Variants in RPGRIP1L observed in about 807,000 individuals in gnomAD.
RPGRIP1L encodes protein fantom.
RPGRIP1L carries 131 observed loss-of-function variants against 160.4 expected under a neutral mutation model. The ratio of observed to expected loss-of-function variants is 0.82; its 90% CI spans 0.71 to 0.94. The LOEUF (loss-of-function observed/expected upper bound fraction) is 0.94. RPGRIP1L is among the 40% of genes least tolerant of loss of function. The probability of loss-of-function intolerance (pLI) is 0.00; values close to 1 mark genes in which losing one functional copy is unlikely to be tolerated. For missense variants in RPGRIP1L, 1,522 were observed against 1,535.8 expected (o/e 0.99, Z 0.15); for synonymous variants, 510 against 515.8 (o/e 0.99, Z 0.15).
At chr16:53,629,953 A>G (rs1256952463) in intron 22 of RPGRIP1L, among the ~76,000 whole-genome samples, 1 of 152,142 alleles carries the variant, frequency 6.6e-6, no homozygotes, top group Non-Finnish European at 1.5e-5. Context: ...TCAGATGTAC[A>G]TTTTCCCAAA....
At chr16:53,658,334 AG>A in intron 12 of RPGRIP1L, 79 bp downstream of exon 12, 2 of 993,174 alleles carry the variant, frequency 2.0e-6, no homozygotes, top group Non-Finnish European at 3.3e-6. Context: ...TCCAAATGTA[AG>A]GGTTACAGAT....
intron 26 of RPGRIP1L, 185 bp downstream of exon 26, chr16:53,605,296 G>A (rs77008584): frequency 1.1e-5 from 7 of 646,536 alleles, no homozygotes; most frequent in South Asian, 1.1e-4. Context: ...AGGAAAGCAG[G>A]GGGGAGGACA....
Position 53,622,213 on chromosome 16 carries a change from A to C in RPGRIP1L, c.3432+6T>G, listed in dbSNP as rs543688285. 7 of 661,266 alleles carry C rather than the reference A, an allele frequency of 1.1e-5. No individual in the cohort carries two copies. The highest frequency in any genetic ancestry group is 9.1e-5 in the African/African-American group (5 of 54,738). The allele number at this position is 661,266 out of a possible 1,614,324, so 41.0% of individuals were successfully genotyped here. A position where few individuals can be genotyped will look rare whatever the true frequency, so the allele number is the denominator to read the frequency against. On this transcript the variant is annotated splice_donor_region_variant and intron_variant, in intron 23 of 26. Coordinates refer to ENST00000647211, the MANE Select transcript of RPGRIP1L (RefSeq NM_015272.5). ...CCCCGTCTCTGCTAAAATTACAAAA[A>C]ATTACCTGGGTGTGGTGGCAGGCAC...
intron 2 of RPGRIP1L, among the ~76,000 whole-genome samples, chr16:53,698,328 GC>G (rs773047748): frequency 0.073 from 10,132 of 138,604 alleles, 620 homozygotes; most frequent in African/African-American, 0.17. Flanking sequence ...GGGGGGGTCA[GC>G]CCCCCGCCCG....
chr16:53,604,513 T>C (rs150721162), intron 26 of RPGRIP1L, among the ~76,000 whole-genome samples: 8 of 152,340 alleles, frequency 5.3e-5, no homozygotes, highest in African/African-American at 7.2e-5. Flanking sequence ...TTTAAAAGTC[T>C]GATTAATAAA....
At chr16:53,657,031 C>CA (rs1218000546) in intron 13 of RPGRIP1L, among the ~76,000 whole-genome samples, 4 of 152,200 alleles carry the variant, frequency 2.6e-5, no homozygotes, top group African/African-American at 9.6e-5. Flanking sequence ...CACTTGAGGT[C>CA]AGAGTTAGAG....
chr16:53,685,259 A>T lies in RPGRIP1L; in HGVS notation c.776+1174T>A, dbSNP rs554476994. ...GGAACACTTTTACACTGTTGGTGGG[A>T]GTGTAATTTGGTTCAACCATTGTGT... is the stretch of plus-strand genomic sequence containing the variant. On this transcript the variant is annotated intron_variant, in intron 6 of 26. Transcript: ENST00000647211. 9.8e-5 allele frequency among the ~76,000 whole-genome samples: 15 copies of T among 152,332 alleles called. No individual in the cohort carries two copies. The East Asian group carries it at 1.9e-3, about 20-fold the overall frequency.
rs549065732 is a variant in RPGRIP1L, at chr16:53,601,806, C to T, written c.*270G>A. The T allele has an allele frequency of 3.5e-4, 114 of 330,078 alleles. 1 individual carries two copies. The Middle Eastern group carries it at 4.6e-3, about 13-fold the overall frequency. The allele number at this position is 330,078 out of a possible 1,614,324, so 20.4% of individuals were successfully genotyped here. A position where few individuals can be genotyped will look rare whatever the true frequency, so the allele number is the denominator to read the frequency against. ...TTGAAAATGCAAATAGACTTTCTCA[C>T]GCTATCACGTAGGTATAAATTATTG... is the stretch of plus-strand genomic sequence containing the variant. On this transcript the variant is annotated 3_prime_UTR_variant, in exon 27 of 27. Coordinates refer to ENST00000647211, the MANE Select transcript of RPGRIP1L (RefSeq NM_015272.5).
chr16:53,617,095 A>AAAAAAAAAAAAAAAAAAAC, intron 24 of RPGRIP1L, among the ~76,000 whole-genome samples: 1 of 149,208 alleles, frequency 6.7e-6, no homozygotes, highest in Non-Finnish European at 1.5e-5. Context: ...AAAAAAAAAA[A>AAAAAAAAAAAAAAAAAAAC]AAAAGCACAA....
intron 24 of RPGRIP1L, among the ~76,000 whole-genome samples, chr16:53,612,074 G>T (rs1337397119): frequency 1.3e-5 from 2 of 152,156 alleles, no homozygotes; most frequent in East Asian, 1.9e-4. Flanking sequence ...CAACTCATTT[G>T]TTTGGCTCAG....
At chr16:53,612,557 CA>C (rs1209990852) in intron 24 of RPGRIP1L, among the ~76,000 whole-genome samples, 3 of 136,640 alleles carry the variant, frequency 2.2e-5, no homozygotes, top group Non-Finnish European at 3.1e-5. Context: ...TTTTTGACTT[CA>C]GAGTTGTAAA....
chr16:53,698,929 G>A (rs1043255660), intron 2 of RPGRIP1L, among the ~76,000 whole-genome samples: 2 of 152,178 alleles, frequency 1.3e-5, no homozygotes, highest in African/African-American at 4.8e-5. Context: ...TGACAATGGT[G>A]GTTTTGTGGA....
At chr16:53,703,607 G>A in intron 1 of RPGRIP1L, 196 bp downstream of exon 1, 1 of 178,230 alleles carries the variant, frequency 5.6e-6, no homozygotes. Flanking sequence ...GGGGATAAAG[G>A]GCGGCCTGTG....
chr16:53,613,479 C>T (rs1166615454), intron 24 of RPGRIP1L, among the ~76,000 whole-genome samples: 2 of 151,950 alleles, frequency 1.3e-5, no homozygotes, highest in African/African-American at 2.4e-5. Flanking sequence ...CCACTATGTC[C>T]ACCTAATTTT....
intron 25 of RPGRIP1L, among the ~76,000 whole-genome samples, chr16:53,608,844 G>C (rs1035170370): frequency 1.3e-5 from 2 of 151,956 alleles, no homozygotes; most frequent in East Asian, 3.9e-4. Flanking sequence ...ACATGTAAAC[G>C]CCTCTTTCCC....
At chr16:53,641,772 ATAACT>A (rs1045552207) in intron 17 of RPGRIP1L, among the ~76,000 whole-genome samples, 2 of 152,220 alleles carry the variant, frequency 1.3e-5, no homozygotes, top group African/African-American at 4.8e-5. Flanking sequence ...TAATTTATAA[ATAACT>A]TAATTCACTG....
intron 5 of RPGRIP1L, 66 bp from the exon 6 acceptor site, chr16:53,686,642 G>A: frequency 6.5e-7 from 1 of 1,528,688 alleles, no homozygotes; most frequent in Non-Finnish European, 9.0e-7. Flanking sequence ...TAAGATCAGT[G>A]CAAAGAAAGT....
chr16:53,638,958 C>T (rs1966023128), intron 19 of RPGRIP1L, among the ~76,000 whole-genome samples: 1 of 151,448 alleles, frequency 6.6e-6, no homozygotes, highest in Admixed American at 6.6e-5. Context: ...GATTTGGGAA[C>T]ATTAACTTTT....
rs1304517499 is a variant in RPGRIP1L, at chr16:53,687,885, C to T, written c.610G>A (p.Ala204Thr). 6.2e-7 allele frequency: 1 copy of T among 1,607,868 alleles called. No individual in the cohort carries two copies. The highest frequency in any genetic ancestry group is 1.7e-5 in the Admixed American group (1 of 59,982). ...TKYGNSLLEEARGEIRNLENV... is the reference protein window; with the variant it reads ...TKYGNSLLEETRGEIRNLENV... ...TACAAATTTCTTATTTCTCCTCTGGCTTCTTCAAGTAAACTGTTGCCATAT... is the reference window on the plus strand; with the variant it reads ...TACAAATTTCTTATTTCTCCTCTGGTTTCTTCAAGTAAACTGTTGCCATAT... The change falls in exon 5 of 27, where the codon GCC (alanine) becomes ACC (threonine). Residue 204 changes from alanine (A) to threonine (T), a missense_variant. Ala to Thr is a moderately conservative substitution (Grantham distance 58, BLOSUM62 0). Coordinates refer to ENST00000647211, the MANE Select transcript of RPGRIP1L (RefSeq NM_015272.5).
Sources: allele counts gnomAD v4.1 joint callset (sites outside exome capture counted in the v4.1 genomes callset), GRCh38; gene constraint gnomAD v4.1.1; transcripts MANE v1.5; gene names NCBI Gene and HGNC (gene_info 2026-07-23, HGNC 2026-07-21).